PTPN11: variants seen among roughly 807,000 people sequenced by gnomAD.
PTPN11 encodes the protein protein tyrosine phosphatase non-receptor type 11, also known as tyrosine-protein phosphatase non-receptor type 11.
In PTPN11, 6 loss-of-function variants were observed where a neutral mutation model predicts 78.8. The ratio of observed to expected loss-of-function variants is 0.08; its 90% CI spans 0.04 to 0.15. The LOEUF is 0.15. Ranked by LOEUF, PTPN11 falls within the 10% of genes least tolerant of loss-of-function variation. The pLI is 1.00. For synonymous variants in PTPN11, 221 were observed against 263.5 expected (o/e 0.84, Z 1.56); for missense variants, 386 against 744.8 (o/e 0.52, Z 5.61).
rs1328955972 is a variant in PTPN11, at chr12:112,506,973, ATG to A, written c.*1182_*1183del. On this transcript the variant is annotated 3_prime_UTR_variant, in exon 16 of 16. Coordinates refer to ENST00000351677, the MANE Select transcript of PTPN11 (RefSeq NM_002834.5). Reference sequence around the variant, plus strand: ...GATGATGATGATGATGATGATGATGATGATGATGATGATGATGATGGTTTTTT... The same window carrying A: ...GATGATGATGATGATGATGATGATGAATGATGATGATGATGATGGTTTTTT... 1.2e-5 allele frequency: 3 copies of A among 258,842 alleles called. No homozygotes were observed. The highest frequency in any genetic ancestry group is 6.7e-5 in the African/African-American group (3 of 44,826). The allele number at this position is 258,842 out of a possible 1,614,324, so 16.0% of individuals were successfully genotyped here.
At chr12:112,493,193 G>A (rs1336547450) in intron 13 of PTPN11, among the ~76,000 whole-genome samples, 2 of 151,648 alleles carry the variant, frequency 1.3e-5, no homozygotes, top group Non-Finnish European at 2.9e-5. Context: ...CCAGTAGCTG[G>A]GATTACAGGT....
chr12:112,486,951 A>T, intron 11 of PTPN11: 1 of 1,308,764 alleles, frequency 7.6e-7, no homozygotes. Context: ...ATTCTTCATG[A>T]TGTTTGCTTT....
At chr12:112,503,380 TTCTC>T (rs1041628690) in intron 14 of PTPN11, among the ~76,000 whole-genome samples, 2 of 152,252 alleles carry the variant, frequency 1.3e-5, no homozygotes, top group African/African-American at 2.4e-5. Context: ...CCTAAGAATC[TTCTC>T]TCTGTTTGCT....
At chr12:112,449,325 G>A (rs2038044099) in intron 2 of PTPN11, among the ~76,000 whole-genome samples, 1 of 146,998 alleles carries the variant, frequency 6.8e-6, no homozygotes, top group Non-Finnish European at 1.5e-5. Flanking sequence ...CTAACATGGT[G>A]AAACCCCGTC....
intron 7 of PTPN11, among the ~76,000 whole-genome samples, chr12:112,473,512 C>G (rs2038451530): frequency 6.6e-6 from 1 of 152,078 alleles, no homozygotes; most frequent in Admixed American, 6.6e-5. Context: ...CCCCTGAGCT[C>G]AAGTTACTGG....
rs2135866901 is a variant in PTPN11, at chr12:112,453,273, A to T, written c.411A>T (p.Val137=). 1.2e-6 allele frequency: 2 copies of T among 1,613,896 alleles called. No individual in the cohort carries two copies. The highest frequency in any genetic ancestry group is 1.7e-6 in the Non-Finnish European group (2 of 1,179,996). Residue 137 remains valine, a synonymous_variant, in exon 4 of 16, where the codon GTA becomes GTT. Coordinates refer to ENST00000351677, the MANE Select transcript of PTPN11 (RefSeq NM_002834.5). ...AAGGAAAACATGGTAGTTTTCTTGT[A>T]CGAGAGAGCCAGAGCCACCCTGGAG... ...TEKGKHGSFL[V]RESQSHPGDF... is the part of the protein sequence containing the mutation.
intron 1 of PTPN11, among the ~76,000 whole-genome samples, chr12:112,445,737 G>A (rs2037983447): frequency 2.0e-5 from 3 of 151,340 alleles, no homozygotes; most frequent in Non-Finnish European, 4.4e-5. Flanking sequence ...TGCCTCCTGG[G>A]TTCAAGCGAT....
At chr12:112,454,943 C>T in intron 5 of PTPN11, 2 of 482,034 alleles carry the variant, frequency 4.1e-6, no homozygotes, top group South Asian at 3.8e-5. Context: ...CCTCAGCCTC[C>T]TGAGTAGCTG....
At chr12:112,448,820 A>T (rs1432268305) in intron 2 of PTPN11, among the ~76,000 whole-genome samples, 2 of 152,218 alleles carry the variant, frequency 1.3e-5, no homozygotes, top group Non-Finnish European at 2.9e-5. Flanking sequence ...GCTTTGGGAT[A>T]ACACTACCTC....
chr12:112,440,896 C>G (rs774203186), intron 1 of PTPN11, among the ~76,000 whole-genome samples: 1 of 151,186 alleles, frequency 6.6e-6, no homozygotes, highest in African/African-American at 2.4e-5. Flanking sequence ...GACAAGCTCT[C>G]AGAGAGAGTA....
intron 4 of PTPN11, among the ~76,000 whole-genome samples, chr12:112,454,118 C>T (rs1338306101): frequency 1.3e-5 from 2 of 151,940 alleles, no homozygotes; most frequent in Non-Finnish European, 2.9e-5. Flanking sequence ...TGTATACACA[C>T]ACCACATTTT....
chr12:112,460,830 G>A (rs966114597), intron 6 of PTPN11, among the ~76,000 whole-genome samples: 2 of 152,100 alleles, frequency 1.3e-5, no homozygotes, highest in Non-Finnish European at 2.9e-5. Flanking sequence ...GACAGAGTGC[G>A]GCTTCATCTC....
At chr12:112,442,994 T>C (rs1047155719) in intron 1 of PTPN11, among the ~76,000 whole-genome samples, 1 of 149,798 alleles carries the variant, frequency 6.7e-6, no homozygotes, top group Non-Finnish European at 1.5e-5. Flanking sequence ...TGTGTCTCTA[T>C]ATTTAAGTTT....
At chr12:112,445,059 A>AT (rs1173652785) in intron 1 of PTPN11, among the ~76,000 whole-genome samples, 18 of 152,086 alleles carry the variant, frequency 1.2e-4, no homozygotes, top group African/African-American at 3.9e-4. Context: ...GTGTGTGTAT[A>AT]TATATATGTG....
intron 2 of PTPN11, 63 bp downstream of exon 2, chr12:112,446,461 T>C (rs1566165033): frequency 1.2e-6 from 2 of 1,609,566 alleles, no homozygotes; most frequent in Non-Finnish European, 1.7e-6. Context: ...GGTAAAACCA[T>C]GCTTGGATAG....
At chr12:112,467,111 C>T (rs540837299) in intron 6 of PTPN11, among the ~76,000 whole-genome samples, 74 of 152,168 alleles carry the variant, frequency 4.9e-4, no homozygotes, top group Admixed American at 3.9e-3. Context: ...GTTGGTCTTA[C>T]ATTTACATAA....
At chr12:112,449,614 A>G (rs904958293) in intron 2 of PTPN11, among the ~76,000 whole-genome samples, 43 of 152,356 alleles carry the variant, frequency 2.8e-4, no homozygotes, top group African/African-American at 1.0e-3. Flanking sequence ...ATAGTAATGT[A>G]GCACTATTTG....
At chr12:112,459,450 A>C (rs1383864032) in intron 6 of PTPN11, among the ~76,000 whole-genome samples, 3 of 137,440 alleles carry the variant, frequency 2.2e-5, no homozygotes, top group East Asian at 4.2e-4. Flanking sequence ...TTTTTTTTTG[A>C]GATAGAGTTT....
chr12:112,496,919 C>T (rs1455492256), intron 13 of PTPN11, among the ~76,000 whole-genome samples: 1 of 152,110 alleles, frequency 6.6e-6, no homozygotes, highest in African/African-American at 2.4e-5. Flanking sequence ...GGCCTATAAT[C>T]CTAGCACTTT....
Sources: allele counts gnomAD v4.1 joint callset (sites outside exome capture counted in the v4.1 genomes callset), GRCh38; gene constraint gnomAD v4.1.1; transcripts MANE v1.5; gene names NCBI Gene and HGNC (gene_info 2026-07-23, HGNC 2026-07-21).